Variants in SMARCA4 observed in about 807,000 individuals in gnomAD.
SMARCA4 encodes the protein SWI/SNF-related matrix-associated actin-dependent regulator of chromatin subfamily A member 4.
A neutral mutation model predicts 193.9 loss-of-function variants in SMARCA4; 31 were observed. The ratio of observed to expected loss-of-function variants is 0.16; its 90% confidence interval spans 0.12 to 0.22. The LOEUF is 0.22. SMARCA4 is among the 10% of genes least tolerant of loss of function. The pLI, the probability that SMARCA4 is intolerant of heterozygous loss-of-function variation, is 1.00. For synonymous variants in SMARCA4, 942 were observed against 933.1 expected (o/e 1.01, Z -0.17); for missense variants, 1,148 against 2,296.0 (o/e 0.50, Z 10.22).
intron 16 of SMARCA4, among the ~76,000 whole-genome samples, chr19:11,013,836 TG>T (rs2089093939): frequency 1.3e-5 from 2 of 152,140 alleles, no homozygotes; most frequent in African/African-American, 4.8e-5. Flanking sequence ...TTGGGCATGG[TG>T]GGATCCGGAC....
rs1050200292 is a variant in SMARCA4, at chr19:11,019,403, C to A, written c.2506-188C>A. ...CCTGCACTGCTTCCTCTTCCCCCTG[C>A]AGCGCGTGTTCTGCGTGGTGAGGTC... On this transcript the variant is annotated intron_variant, in intron 17 of 34. Coordinates refer to ENST00000344626, the MANE Select transcript of SMARCA4 (RefSeq NM_003072.5). This position sits in a 1 kb window ranked among gnomAD's most constrained non-coding sequence, Gnocchi z 6.1. 22 of 625,332 alleles carry A rather than the reference C, an allele frequency of 3.5e-5. No individual in the cohort carries two copies. In the African/African-American group the frequency reaches 3.8e-4, roughly 11 times the overall value. The allele number at this position is 625,332 out of a possible 1,614,324, so 38.7% of individuals were successfully genotyped here.
chr19:11,037,117 C>T (rs964501990), intron 29 of SMARCA4, among the ~76,000 whole-genome samples: 10 of 152,226 alleles, frequency 6.6e-5, no homozygotes, highest in South Asian at 2.1e-4. Flanking sequence ...TTTGCGTGCA[C>T]GCGTTTCTCT....
intron 30 of SMARCA4, among the ~76,000 whole-genome samples, chr19:11,053,466 AAAG>A (rs1384616643): frequency 7.9e-5 from 12 of 151,328 alleles, no homozygotes; most frequent in Admixed American, 1.3e-4. Flanking sequence ...AAAAAAAAAA[AAAG>A]AAAGAAATTC....
At chr19:10,980,341 G>T (rs1007002706) in intron 1 of SMARCA4, among the ~76,000 whole-genome samples, 1 of 152,136 alleles carries the variant, frequency 6.6e-6, no homozygotes, top group African/African-American at 2.4e-5. Context: ...GCACAAAATG[G>T]TTTTTTGGGG....
chr19:11,025,336 C>A, intron 21 of SMARCA4, 86 bp from the exon 22 acceptor site: 1 of 861,752 alleles, frequency 1.2e-6, no homozygotes, highest in Non-Finnish European at 2.0e-6. Context: ...CCCCATGGCC[C>A]TTCTCCCAAC....
At chr19:11,016,477 A>G (rs2089374959) in intron 16 of SMARCA4, among the ~76,000 whole-genome samples, 1 of 152,202 alleles carries the variant, frequency 6.6e-6, no homozygotes, top group Admixed American at 6.5e-5. Context: ...TTCTCTACAA[A>G]TTAATTGGAA....
rs1013644543 is a variant in SMARCA4, at chr19:11,058,419, G to A, written c.4533+56G>A. The A allele has an allele frequency of 1.2e-5, 15 of 1,216,860 alleles. No homozygotes were observed. The highest frequency in any genetic ancestry group is 4.5e-5 in the African/African-American group (3 of 67,288). The allele number at this position is 1,216,860 out of a possible 1,614,324, so 75.4% of individuals were successfully genotyped here. On this transcript the variant is annotated intron_variant, in intron 31 of 34. Coordinates refer to ENST00000344626, the MANE Select transcript of SMARCA4 (RefSeq NM_003072.5). The surrounding 1 kb of genome is among the most constrained non-coding windows in gnomAD (Gnocchi z 5.8). ...TGTGCCCGGAGGGGAGTCTGACCCA[G>A]GGGCACCCCCATCTGAGAGCTGTGG...
rs1041390338 is a variant in SMARCA4, at chr19:11,058,101, C to T, written c.4425-154C>T. On this transcript the variant is annotated intron_variant, in intron 30 of 34. Coordinates refer to ENST00000344626, the MANE Select transcript of SMARCA4 (RefSeq NM_003072.5). The surrounding 1 kb of genome is among the most constrained non-coding windows in gnomAD (Gnocchi z 5.8). ...AGCCTGGGCAGCAAGAGCGAAACTC[C>T]GTCTCAAAAAAAAAAAAAGCGCATG... Among the ~76,000 whole-genome samples the T allele has an allele frequency of 4.2e-5, 6 of 142,526 alleles. No homozygotes were observed. Among genetic ancestry groups the T allele is most frequent in the Non-Finnish European group, 9.5e-5 (6 of 63,322 alleles). 93.5% of individuals were successfully genotyped at this position (142,526 alleles called of 152,430 possible). A position where few individuals can be genotyped will look rare whatever the true frequency, so the allele number is the denominator to read the frequency against.
chr19:11,016,061 T>G (rs1215832826), intron 16 of SMARCA4: 1 of 151,502 alleles, frequency 6.6e-6, no homozygotes, highest in African/African-American at 2.4e-5. Flanking sequence ...GCTGGAAGAC[T>G]GGGCACCTGG....
chr19:11,039,508 G>A (rs754407562), intron 29 of SMARCA4: 1 of 1,601,040 alleles, frequency 6.2e-7, no homozygotes, highest in Non-Finnish European at 8.5e-7. Flanking sequence ...TGGCACGTGG[G>A]CTACAATTCC....
At chr19:11,009,677 G>T (rs1336129942) in intron 14 of SMARCA4, among the ~76,000 whole-genome samples, 2 of 150,088 alleles carry the variant, frequency 1.3e-5, no homozygotes. Context: ...GCACCACCAC[G>T]CCCGGCTAAC....
intron 30 of SMARCA4, among the ~76,000 whole-genome samples, chr19:11,052,591 G>A (rs190602436): frequency 1.3e-5 from 2 of 152,272 alleles, no homozygotes; most frequent in Admixed American, 6.5e-5. Flanking sequence ...TCCCAATGTC[G>A]GGATCCTGTG....
rs1466985798 is a variant in SMARCA4, at chr19:11,060,202, C to T, written c.4911+15C>T. 2.6e-6 allele frequency: 4 copies of T among 1,550,184 alleles called. No homozygotes were observed. Among genetic ancestry groups the T allele is most frequent in the Non-Finnish European group, 3.5e-6 (4 of 1,146,646 alleles). On this transcript the variant is annotated intron_variant, in intron 34 of 34. Transcript: ENST00000344626. ...AACAAGAGGAGGTGAGGCCGGGCCC[C>T]CGAGCAGGCAGAGCTGGCATGTGGC... is the stretch of plus-strand genomic sequence containing the variant.
At position 10,994,726 on chromosome 19, in the gene SMARCA4, T is replaced by C. The variant is rs2086869382; in HGVS notation, c.1420-102T>C. The C allele has an allele frequency of 4.8e-6, 5 of 1,033,874 alleles. No homozygotes were observed. The South Asian group carries it at 6.5e-5, about 13-fold the overall frequency. 64.0% of individuals were successfully genotyped at this position (1,033,874 alleles called of 1,614,324 possible). On this transcript the variant is annotated intron_variant, in intron 8 of 34. Coordinates refer to ENST00000344626, the MANE Select transcript of SMARCA4 (RefSeq NM_003072.5). ...TGCCCTCCTCTGCCTCCCAAAGCGC[T>C]GGGATTACAGGCCAATATTCTAGGT...
chr19:11,025,582 G>A lies in SMARCA4; in HGVS notation c.3168+74G>A, dbSNP rs1230278349. 9.6e-6 allele frequency: 10 copies of A among 1,046,568 alleles called. No homozygotes were observed. The African/African-American group carries it at 1.2e-4, about 13-fold the overall frequency. 64.8% of individuals were successfully genotyped at this position (1,046,568 alleles called of 1,614,324 possible). ...TCCTAGGCAGAGCTGGCTTCTCCTC[G>A]ACAGCTCTTTAAAAACAGACTCGAA... On this transcript the variant is annotated intron_variant, in intron 22 of 34. Transcript: ENST00000344626.
At chr19:10,975,863 C>G (rs977288714) in intron 1 of SMARCA4, among the ~76,000 whole-genome samples, 1 of 152,208 alleles carries the variant, frequency 6.6e-6, no homozygotes, top group Non-Finnish European at 1.5e-5. Flanking sequence ...TTCCCAGGCT[C>G]TGTTTTCTCC....
chr19:10,978,130 A>G (rs2085288605), intron 1 of SMARCA4, among the ~76,000 whole-genome samples: 1 of 152,090 alleles, frequency 6.6e-6, no homozygotes, highest in Admixed American at 6.6e-5. Flanking sequence ...TTTCTTTGTG[A>G]CTGAGACATC....
chr19:10,982,668 CT>C (rs1231371625), intron 1 of SMARCA4, among the ~76,000 whole-genome samples: 9 of 150,538 alleles, frequency 6.0e-5, no homozygotes, highest in Non-Finnish European at 1.3e-4. Flanking sequence ...CCCGGCTAAG[CT>C]TTTTTTTTGT....
At position 11,062,211 on chromosome 19, in the gene SMARCA4, C is replaced by A. The variant is rs535767087; in HGVS notation, c.*395C>A. ...TTGGACAGGTCAGACTCGCCGGGGGCCCGGCGAGGGTATGTCAGTGTCACT... is the reference window on the plus strand; with the variant it reads ...TTGGACAGGTCAGACTCGCCGGGGGACCGGCGAGGGTATGTCAGTGTCACT... On this transcript the variant is annotated 3_prime_UTR_variant, in exon 35 of 35. Coordinates refer to ENST00000344626, the MANE Select transcript of SMARCA4 (RefSeq NM_003072.5). 1 of 304,650 alleles carries A rather than the reference C, an allele frequency of 3.3e-6. No individual in the cohort carries two copies. Among genetic ancestry groups the A allele is most frequent in the Middle Eastern group, 9.5e-4 (1 of 1,058 alleles). 18.9% of individuals were successfully genotyped at this position (304,650 alleles called of 1,614,324 possible).
Sources: allele counts gnomAD v4.1 joint callset (sites outside exome capture counted in the v4.1 genomes callset), GRCh38; gene constraint gnomAD v4.1.1; non-coding constraint Gnocchi (gnomAD v3.1); transcripts MANE v1.5; gene names NCBI Gene and HGNC (gene_info 2026-07-23, HGNC 2026-07-21).